PRICKLE1: variants seen among roughly 807,000 people sequenced by gnomAD.
The protein encoded by PRICKLE1 is prickle-like protein 1.
Under a neutral mutation model 70.2 loss-of-function variants are expected in PRICKLE1, and 14 were observed. The observed-to-expected ratio is 0.20, with a 90% CI of 0.13 to 0.31. The LOEUF is 0.31. Among genes scored for constraint, PRICKLE1 ranks in the 10% least tolerant of loss-of-function variants. PRICKLE1 has a pLI of 1.00. For missense variants in PRICKLE1, 821 were observed against 1,026.2 expected, an observed-to-expected ratio of 0.80 and a Z score of 2.73; for synonymous variants, 357 against 379.9, an observed-to-expected ratio of 0.94 and a Z score of 0.70.
chr12:42,484,724 G>C (rs1299382704), intron 1 of PRICKLE1, among the ~76,000 whole-genome samples: 1 of 152,166 alleles, frequency 6.6e-6, no homozygotes, highest in African/African-American at 2.4e-5. Flanking sequence ...TTGTTTCTGA[G>C]CTATTTGTAG....
At chr12:42,500,939 G>T (rs1939295353) in intron 1 of PRICKLE1, among the ~76,000 whole-genome samples, 1 of 152,134 alleles carries the variant, frequency 6.6e-6, no homozygotes, top group South Asian at 2.1e-4. Context: ...TTTTATAATA[G>T]ACTAGATCAC....
intron 2 of PRICKLE1, among the ~76,000 whole-genome samples, chr12:42,470,629 G>A (rs940570286): frequency 1.3e-5 from 2 of 151,718 alleles, no homozygotes; most frequent in South Asian, 2.1e-4. Flanking sequence ...CACTCTTCCC[G>A]GTGGTGTGGC....
chr12:42,541,306 C>T (rs1940110046), intron 1 of PRICKLE1, among the ~76,000 whole-genome samples: 1 of 151,816 alleles, frequency 6.6e-6, no homozygotes, highest in African/African-American at 2.4e-5. Flanking sequence ...GTTGTTGTTT[C>T]CTATGCAAAA....
chr12:42,586,569 G>A (rs1213160081), intron 1 of PRICKLE1, among the ~76,000 whole-genome samples: 1 of 151,928 alleles, frequency 6.6e-6, no homozygotes. Context: ...ATTTTAACCA[G>A]GAAATTAACT....
chr12:42,475,700 T>C (rs190426883), intron 1 of PRICKLE1, among the ~76,000 whole-genome samples: 26 of 152,334 alleles, frequency 1.7e-4, no homozygotes, highest in African/African-American at 6.3e-4. Context: ...CAGAGTTTAT[T>C]CACTGACGAA....
intron 1 of PRICKLE1, among the ~76,000 whole-genome samples, chr12:42,583,142 T>C (rs1454166741): frequency 8.3e-6 from 1 of 120,372 alleles, no homozygotes; most frequent in Non-Finnish European, 1.7e-5. Flanking sequence ...TATTATTAGA[T>C]TGAAACGTGT....
chr12:42,464,884 C>T lies in PRICKLE1; in HGVS notation c.1150G>A (p.Gly384Arg). Residue 384 changes from glycine (G) to arginine (R), a missense_variant, in exon 7 of 8, where the codon GGA (glycine) becomes AGA (arginine). By Grantham distance (125) the Gly-to-Arg change is moderately radical (BLOSUM62 -2). Coordinates refer to ENST00000345127, the MANE Select transcript of PRICKLE1 (RefSeq NM_153026.3). This position sits in a 1 kb window ranked among gnomAD's most constrained non-coding sequence, Gnocchi z 4.2. Reference sequence around the variant, plus strand: ...AATTCTTCACTGGCAAAACTTGTTCCTTGTCTGGAGAGACTCAGATCATCC... The same window carrying T: ...AATTCTTCACTGGCAAAACTTGTTCTTTGTCTGGAGAGACTCAGATCATCC... The part of the protein sequence containing the change: ...KLDDLSLSRQ[G>R]TSFASEEFWK... 1 of 1,614,124 alleles carries T rather than the reference C, an allele frequency of 6.2e-7. No individual in the cohort carries two copies. The highest frequency in any genetic ancestry group is 8.5e-7 in the Non-Finnish European group (1 of 1,180,036).
Position 42,465,190 on chromosome 12 carries a change from C to T in PRICKLE1, c.844G>A (p.Ala282Thr). ...CCCAACAAAGAGGCTTTACACTGGG[C>T]ACAAGAAAAGCAGGCTTCCGTGGCG... is the stretch of plus-strand genomic sequence containing the variant. ...WHATEACFSC[A>T]QCKASLLGCP... The change falls in exon 7 of 8, where the codon GCC becomes ACC. Residue 282 changes from alanine to threonine, a missense_variant. Coordinates refer to ENST00000345127, the MANE Select transcript of PRICKLE1 (RefSeq NM_153026.3). 6.2e-7 allele frequency: 1 copy of T among 1,610,330 alleles called. No individual in the cohort carries two copies. The highest frequency in any genetic ancestry group is 8.5e-7 in the Non-Finnish European group (1 of 1,178,852).
chr12:42,464,224 T>C lies in PRICKLE1; in HGVS notation c.1639+171A>G, dbSNP rs892362745. Among the ~76,000 whole-genome samples the C allele has an allele frequency of 6.6e-6, 1 of 152,168 alleles. No homozygotes were observed. Among genetic ancestry groups the C allele is most frequent in the Admixed American group, 6.5e-5 (1 of 15,274 alleles). ...TTAGTAGAGCCGCGGTTTCGCCATG[T>C]TGCCTGGGCTGGTCTCGAACTCCTG... On this transcript the variant is annotated intron_variant, in intron 7 of 7. Coordinates refer to ENST00000345127, the MANE Select transcript of PRICKLE1 (RefSeq NM_153026.3). This position sits in a 1 kb window ranked among gnomAD's most constrained non-coding sequence, Gnocchi z 4.2.
At chr12:42,542,368 C>A (rs543883356) in intron 1 of PRICKLE1, among the ~76,000 whole-genome samples, 2 of 151,614 alleles carry the variant, frequency 1.3e-5, no homozygotes, top group African/African-American at 2.4e-5. Context: ...ATTTATTTTG[C>A]GGCCAGGCAC....
intron 1 of PRICKLE1, among the ~76,000 whole-genome samples, chr12:42,576,579 C>T (rs1438254523): frequency 3.3e-5 from 5 of 152,226 alleles, no homozygotes; most frequent in African/African-American, 1.2e-4. Flanking sequence ...TGAAGTGACC[C>T]AGATTCAAAC....
At chr12:42,581,401 G>T (rs1345358719) in intron 1 of PRICKLE1, among the ~76,000 whole-genome samples, 2 of 151,796 alleles carry the variant, frequency 1.3e-5, no homozygotes, top group Non-Finnish European at 2.9e-5. Context: ...CTATTTTGGG[G>T]TCTCTGCTTG....
intron 1 of PRICKLE1, among the ~76,000 whole-genome samples, chr12:42,475,969 A>T (rs1009958493): frequency 1.3e-5 from 2 of 150,914 alleles, no homozygotes; most frequent in Non-Finnish European, 3.0e-5. Flanking sequence ...GCGTGGTGGT[A>T]TGTCCCTGTA....
intron 1 of PRICKLE1, among the ~76,000 whole-genome samples, chr12:42,497,373 G>A (rs773061472): frequency 1.1e-4 from 17 of 151,802 alleles, no homozygotes; most frequent in South Asian, 2.1e-4. Flanking sequence ...GTGAAACCCT[G>A]TCTCTACTAA....
intron 1 of PRICKLE1, among the ~76,000 whole-genome samples, chr12:42,478,514 A>G (rs1938661032): frequency 6.6e-6 from 1 of 152,184 alleles, no homozygotes; most frequent in African/African-American, 2.4e-5. Flanking sequence ...ACCATCAAAG[A>G]TGGCATTGGG....
chr12:42,563,702 C>CAAAAAAAAAAA (rs11367725), intron 1 of PRICKLE1, among the ~76,000 whole-genome samples: 1 of 46,514 alleles, frequency 2.1e-5, no homozygotes, highest in Non-Finnish European at 4.0e-5. Flanking sequence ...GACTCTGTCT[C>CAAAAAAAAAAA]AAAAAAAAAA....
In PRICKLE1 at chr12:42,460,040, G is replaced by GTA. The variant is rs768660106; in HGVS notation, c.2263_2264dup (p.Gly756ThrfsTer92). 6.2e-7 allele frequency: 1 copy of GTA among 1,613,994 alleles called. No homozygotes were observed. Among genetic ancestry groups the GTA allele is most frequent in the Non-Finnish European group, 8.5e-7 (1 of 1,180,036 alleles). ...AACACCAGGAATCATCATCCTCGCC[G>GTA]TAGAGTCCCAGAAACCGATTCATTC... On this transcript the variant is annotated frameshift_variant, in exon 8 of 8. Coordinates refer to ENST00000345127, the MANE Select transcript of PRICKLE1 (RefSeq NM_153026.3). LOFTEE classifies it high-confidence loss of function.
intron 1 of PRICKLE1, among the ~76,000 whole-genome samples, chr12:42,525,228 A>C (rs947557812): frequency 6.6e-6 from 1 of 152,248 alleles, no homozygotes; most frequent in African/African-American, 2.4e-5. Context: ...CCTGAAGGGC[A>C]GTAGAGCATC....
chr12:42,506,258 TC>T lies in PRICKLE1; in HGVS notation c.-48-33695del, dbSNP rs774027846. Among the ~76,000 whole-genome samples, 112 of 40,130 alleles carry T rather than the reference TC, an allele frequency of 2.8e-3. 2 individuals are homozygous for T. Among genetic ancestry groups the T allele is most frequent in the African/African-American group, 5.9e-3 (52 of 8,800 alleles). 26.3% of individuals were successfully genotyped at this position (40,130 alleles called of 152,430 possible). The stretch of plus-strand genomic sequence containing the variant: ...TAAAAAATGTTCTTTTTTCTTTCTT[TC>T]TTTTTTTTTTTTTTTGAGATGGAGT... On this transcript the variant is annotated intron_variant, in intron 1 of 7. Coordinates refer to ENST00000345127, the MANE Select transcript of PRICKLE1 (RefSeq NM_153026.3).
Sources: allele counts gnomAD v4.1 joint callset (sites outside exome capture counted in the v4.1 genomes callset), GRCh38; gene constraint gnomAD v4.1.1; non-coding constraint Gnocchi (gnomAD v3.1); transcripts MANE v1.5; gene names NCBI Gene and HGNC (gene_info 2026-07-23, HGNC 2026-07-21).